The following SGCD variants were observed in gnomAD, a reference collection of about 807,000 sequenced individuals.
SGCD encodes sarcoglycan delta, also known as delta-sarcoglycan.
SGCD carries 18 observed loss-of-function variants against 36.6 expected under a neutral mutation model. That is an observed-to-expected ratio of 0.49 (90% confidence interval 0.34 to 0.73). The LOEUF (loss-of-function observed/expected upper bound fraction) is 0.73. SGCD is among the 30% of genes least tolerant of loss of function. The probability of loss-of-function intolerance (pLI) is 0.01; values close to 1 mark genes in which losing one functional copy is unlikely to be tolerated. For missense variants in SGCD, 387 were observed against 346.7 expected, an observed-to-expected ratio of 1.12 and a Z score of -0.92; for synonymous variants, 133 against 130.6, an observed-to-expected ratio of 1.02 and a Z score of -0.12.
intron 3 of SGCD, among the ~76,000 whole-genome samples, chr5:156,198,546 G>C (rs188261825): frequency 6.6e-6 from 1 of 152,100 alleles, no homozygotes; most frequent in Non-Finnish European, 1.5e-5. Flanking sequence ...ACTGGGATTT[G>C]TATTTAGCCT....
rs1706853583 is a variant in SGCD, at chr5:156,765,615, C to T, written c.*6225C>T. 6.6e-6 allele frequency: 1 copy of T among 152,202 alleles called. No homozygotes were observed. Among genetic ancestry groups the T allele is most frequent in the South Asian group, 2.1e-4 (1 of 4,828 alleles). The allele number at this position is 152,202 out of a possible 1,614,324, so 9.4% of individuals were successfully genotyped here. On this transcript the variant is annotated 3_prime_UTR_variant, in exon 9 of 9. Coordinates refer to ENST00000337851, the MANE Select transcript of SGCD (RefSeq NM_000337.6). ...GCCACTGTGCTAAACATTTTACATACATTCTCCTATTTCATCCTCAAAACA... is the reference window on the plus strand; with the variant it reads ...GCCACTGTGCTAAACATTTTACATATATTCTCCTATTTCATCCTCAAAACA...
At chr5:156,291,807 T>C (rs1238122905) in intron 3 of SGCD, among the ~76,000 whole-genome samples, 1 of 152,144 alleles carries the variant, frequency 6.6e-6, no homozygotes, top group Non-Finnish European at 1.5e-5. Context: ...TTGAAATATG[T>C]ATACATTGTG....
chr5:155,800,305 T>C, the SGCD span, among the ~76,000 whole-genome samples: 1 of 152,210 alleles, frequency 6.6e-6, no homozygotes. Context: ...ACACAGTGTG[T>C]GCATATTTGT....
At chr5:155,733,551 A>T in the SGCD span, among the ~76,000 whole-genome samples, 1 of 152,190 alleles carries the variant, frequency 6.6e-6, no homozygotes, top group African/African-American at 2.4e-5. Context: ...CATGTATTTT[A>T]AATAACCACA....
chr5:156,533,953 GT>G (rs531787494), intron 4 of SGCD, among the ~76,000 whole-genome samples: 2 of 151,304 alleles, frequency 1.3e-5, no homozygotes, highest in African/African-American at 2.4e-5. Flanking sequence ...CTTGGACAAA[GT>G]TTTTTTTTCC....
At chr5:155,848,465 C>T in the SGCD span, among the ~76,000 whole-genome samples, 1 of 152,096 alleles carries the variant, frequency 6.6e-6, no homozygotes, top group South Asian at 2.1e-4. Flanking sequence ...CAAAAACCAC[C>T]CCTGGAATAT....
At chr5:156,196,533 A>G (rs1435320052) in intron 3 of SGCD, among the ~76,000 whole-genome samples, 2 of 151,948 alleles carry the variant, frequency 1.3e-5, no homozygotes, top group African/African-American at 4.8e-5. Flanking sequence ...AAAATGAAGG[A>G]AAAAAAAGAC....
chr5:156,581,347 G>C (rs567434561), intron 4 of SGCD, among the ~76,000 whole-genome samples: 1 of 152,158 alleles, frequency 6.6e-6, no homozygotes, highest in African/African-American at 2.4e-5. Context: ...CTACTGGGAG[G>C]TGTCTCCCAG....
intron 1 of SGCD, among the ~76,000 whole-genome samples, chr5:155,998,154 A>G (rs1290719002): frequency 1.3e-5 from 2 of 152,250 alleles, no homozygotes; most frequent in African/African-American, 4.8e-5. Context: ...TCTGTGTTGC[A>G]TTATAATTTT....
intron 3 of SGCD, among the ~76,000 whole-genome samples, chr5:156,202,198 C>A (rs1192058694): frequency 6.6e-6 from 1 of 152,176 alleles, no homozygotes; most frequent in Non-Finnish European, 1.5e-5. Flanking sequence ...CCCCACTCAC[C>A]ACTTAACTCC....
chr5:156,098,074 C>T (rs966030526), intron 1 of SGCD, among the ~76,000 whole-genome samples: 2 of 152,182 alleles, frequency 1.3e-5, no homozygotes, highest in African/African-American at 4.8e-5. Flanking sequence ...GTGGTATTCT[C>T]TTACAGGCAC....
At chr5:156,390,557 C>T (rs1771510338) in intron 3 of SGCD, among the ~76,000 whole-genome samples, 1 of 152,068 alleles carries the variant, frequency 6.6e-6, no homozygotes, top group Admixed American at 6.6e-5. Flanking sequence ...ATGGTGAAAC[C>T]CCATATCTAC....
chr5:155,776,154 T>C, the SGCD span, among the ~76,000 whole-genome samples: 2,109 of 152,268 alleles, frequency 0.014, 61 homozygotes, highest in African/African-American at 0.048. Context: ...AGGTGGCAAT[T>C]GGGCAGTGAT....
chr5:156,431,731 T>C (rs1455644782), intron 3 of SGCD, among the ~76,000 whole-genome samples: 1 of 152,078 alleles, frequency 6.6e-6, no homozygotes, highest in Non-Finnish European at 1.5e-5. Context: ...TGTTTTGTTT[T>C]TTGGACAGAG....
intron 6 of SGCD, among the ~76,000 whole-genome samples, chr5:156,603,285 C>T (rs911206377): frequency 3.3e-5 from 5 of 151,844 alleles, no homozygotes; most frequent in Admixed American, 6.6e-5. Flanking sequence ...TGAGTTGTAA[C>T]GTTTACTTTT....
chr5:156,318,370 A>G (rs1431404972), intron 3 of SGCD, among the ~76,000 whole-genome samples: 2 of 152,194 alleles, frequency 1.3e-5, no homozygotes, highest in Non-Finnish European at 2.9e-5. Context: ...TAATTTTGTC[A>G]GTGGTACTAG....
At chr5:155,774,254 A>G in the SGCD span, among the ~76,000 whole-genome samples, 1 of 152,106 alleles carries the variant, frequency 6.6e-6, no homozygotes, top group Non-Finnish European at 1.5e-5. Context: ...AGCATTTTTC[A>G]CAATTTTCAG....
At chr5:155,743,817 G>A in the SGCD span, among the ~76,000 whole-genome samples, 4 of 152,174 alleles carry the variant, frequency 2.6e-5, no homozygotes, top group Admixed American at 2.0e-4. Flanking sequence ...TGTTCTAACT[G>A]CAAATACCCA....
chr5:156,232,523 A>G (rs993431111), intron 3 of SGCD, among the ~76,000 whole-genome samples: 6 of 152,180 alleles, frequency 3.9e-5, no homozygotes, highest in Admixed American at 6.5e-5. Context: ...CTTAACTCTC[A>G]TAACTCTGCT....
Sources: gnomAD v4.1 joint callset for allele counts (sites outside exome capture counted in the v4.1 genomes callset) on GRCh38, gnomAD v4.1.1 for gene constraint, MANE v1.5 for transcripts, NCBI Gene and HGNC (gene_info 2026-07-23, HGNC 2026-07-21) for gene names.